KLHL7: variants seen among roughly 807,000 people sequenced by gnomAD.
KLHL7 encodes the protein kelch like family member 7.
Under a neutral mutation model 67.4 loss-of-function variants are expected in KLHL7, and 44 were observed. The observed-to-expected ratio is 0.65, with a 90% CI of 0.51 to 0.84. The LOEUF (loss-of-function observed/expected upper bound fraction) is 0.84, where lower values mean the gene tolerates loss of function less well. Ranked by LOEUF, KLHL7 falls within the 40% of genes least tolerant of loss-of-function variation. The probability of loss-of-function intolerance (pLI) is 0.00; values close to 1 mark genes in which losing one functional copy is unlikely to be tolerated. For missense variants in KLHL7, 362 were observed against 718.1 expected (o/e 0.50, Z 5.67); for synonymous variants, 252 against 243.3 (o/e 1.04, Z -0.33).
chr7:23,126,247 G>A (rs909105362), intron 4 of KLHL7, among the ~76,000 whole-genome samples: 2 of 152,144 alleles, frequency 1.3e-5, no homozygotes, highest in African/African-American at 4.8e-5. Context: ...GCAGGATGAC[G>A]TGAGATTTCA....
intron 6 of KLHL7, 72 bp from the exon 7 acceptor site, chr7:23,151,995 C>T: frequency 7.0e-7 from 1 of 1,418,872 alleles, no homozygotes; most frequent in South Asian, 1.2e-5. Flanking sequence ...CCTATTATGT[C>T]TGGGTATTTC....
In KLHL7 at chr7:23,144,249, T is replaced by A. The variant is rs191478090; in HGVS notation, c.793+224T>A. Among the ~76,000 whole-genome samples, 342 of 152,374 alleles carry A rather than the reference T, an allele frequency of 2.2e-3. 3 individuals are homozygous for A. The highest frequency in any genetic ancestry group is 5.6e-4 in the Non-Finnish European group (38 of 68,036). ...TGTGATAGAAGGTACAAATTACTTATGCTTTTCCTATTCTTGTATACAATA... is the reference window on the plus strand; with the variant it reads ...TGTGATAGAAGGTACAAATTACTTAAGCTTTTCCTATTCTTGTATACAATA... On this transcript the variant is annotated intron_variant, in intron 6 of 10. Coordinates refer to ENST00000339077, the MANE Select transcript of KLHL7 (RefSeq NM_001031710.3).
chr7:23,148,879 A>G lies in KLHL7; in HGVS notation c.794-3188A>G, dbSNP rs138625603. Reference sequence around the variant, plus strand: ...TTTCTTTTCCTTTTTTAAAATAAATAATAGTGGATTGTTCTATTACTCCTT... The same window carrying G: ...TTTCTTTTCCTTTTTTAAAATAAATGATAGTGGATTGTTCTATTACTCCTT... On this transcript the variant is annotated intron_variant, in intron 6 of 10. Transcript: ENST00000339077. Among the ~76,000 whole-genome samples the G allele has an allele frequency of 1.8e-3, 270 of 152,318 alleles. 1 individual carries two copies. Among genetic ancestry groups the G allele is most frequent in the African/African-American group, 5.9e-3 (247 of 41,572 alleles).
intron 7 of KLHL7, among the ~76,000 whole-genome samples, chr7:23,161,647 T>G (rs1784857045): frequency 6.6e-6 from 1 of 152,158 alleles, no homozygotes; most frequent in South Asian, 2.1e-4. Context: ...TTTTCAGTGG[T>G]GCAGCCACCA....
intron 7 of KLHL7, among the ~76,000 whole-genome samples, chr7:23,164,113 T>C (rs1784928519): frequency 6.6e-6 from 1 of 151,490 alleles, no homozygotes; most frequent in Non-Finnish European, 1.5e-5. Flanking sequence ...CCAACAGTCA[T>C]AGCCACTGAG....
chr7:23,153,187 T>C (rs979090939), intron 7 of KLHL7, among the ~76,000 whole-genome samples: 4 of 149,796 alleles, frequency 2.7e-5, no homozygotes. Flanking sequence ...CAGAACACTT[T>C]CCTTCATATT....
At chr7:23,139,582 G>C (rs1168335020) in intron 4 of KLHL7, among the ~76,000 whole-genome samples, 1 of 152,204 alleles carries the variant, frequency 6.6e-6, no homozygotes, top group Non-Finnish European at 1.5e-5. Context: ...GGTGGAAAAT[G>C]CCAGCTAATC....
rs1240510406 is a variant in KLHL7, at chr7:23,143,883, C to T, written c.651C>T (p.Tyr217=). ...ATGCTGCAGTCAGGTGGTTGAAATA[C>T]GATGAACCTAATCGCCAGCCATTTA... The part of the protein sequence containing the change: ...VYDAAVRWLK[Y]DEPNRQPFMV... Residue 217 remains tyrosine (Y), a synonymous_variant, in exon 6 of 11, where the codon TAC becomes TAT. Coordinates refer to ENST00000339077, the MANE Select transcript of KLHL7 (RefSeq NM_001031710.3). 5.0e-6 allele frequency: 8 copies of T among 1,613,970 alleles called. No individual in the cohort carries two copies. Among genetic ancestry groups the T allele is most frequent in the Middle Eastern group, 1.6e-4 (1 of 6,082 alleles).
chr7:23,157,203 C>T (rs551393356), intron 7 of KLHL7, among the ~76,000 whole-genome samples: 4 of 152,256 alleles, frequency 2.6e-5, no homozygotes, highest in East Asian at 1.9e-4. Flanking sequence ...ATATCAGTAG[C>T]GTTTGTCACC....
intron 2 of KLHL7, among the ~76,000 whole-genome samples, chr7:23,124,432 G>C (rs1783486807): frequency 6.6e-6 from 1 of 151,978 alleles, no homozygotes; most frequent in South Asian, 2.1e-4. Context: ...ACAAAATCTA[G>C]TTTTATGTTT....
chr7:23,131,539 G>C (rs1296190585), intron 4 of KLHL7, among the ~76,000 whole-genome samples: 1 of 151,852 alleles, frequency 6.6e-6, no homozygotes, highest in Non-Finnish European at 1.5e-5. Context: ...ATATTTATGT[G>C]GTATATAAAA....
chr7:23,171,956 G>A (rs1785176612), intron 9 of KLHL7, among the ~76,000 whole-genome samples: 1 of 152,208 alleles, frequency 6.6e-6, no homozygotes, highest in Admixed American at 6.5e-5. Flanking sequence ...TGATCCGCCT[G>A]CCTCGGCCTC....
rs1783452800 is a variant in KLHL7 at position 23,123,886 on chromosome 7, A to G, written c.223+7A>G. 5 of 1,551,828 alleles carry G rather than the reference A, an allele frequency of 3.2e-6. No homozygotes were observed. The East Asian group carries it at 1.1e-4, about 35-fold the overall frequency. On this transcript the variant is annotated splice_region_variant and intron_variant, in intron 2 of 10. Coordinates refer to ENST00000339077, the MANE Select transcript of KLHL7 (RefSeq NM_001031710.3). ...TTTAACTTAATGTTCACAAGTAAGT[A>G]TCTTAAGGTAAAACATGCCATTATT... is the stretch of plus-strand genomic sequence containing the variant.
chr7:23,157,587 T>C (rs529487234), intron 7 of KLHL7, among the ~76,000 whole-genome samples: 31 of 106,004 alleles, frequency 2.9e-4, no homozygotes, highest in African/African-American at 1.0e-3. Flanking sequence ...TCTGGTTTCC[T>C]AGAAGGTCTT....
At chr7:23,155,075 C>T (rs545108199) in intron 7 of KLHL7, among the ~76,000 whole-genome samples, 3 of 152,124 alleles carry the variant, frequency 2.0e-5, no homozygotes, top group Non-Finnish European at 2.9e-5. Context: ...TTGGACTGTC[C>T]CTATTGGCCC....
intron 6 of KLHL7, among the ~76,000 whole-genome samples, chr7:23,144,701 C>G (rs1784301834): frequency 6.6e-6 from 1 of 152,128 alleles, no homozygotes; most frequent in African/African-American, 2.4e-5. Flanking sequence ...TACCTTAATT[C>G]TTTTTGTTTG....
At chr7:23,141,721 C>T (rs1010193302) in intron 5 of KLHL7, among the ~76,000 whole-genome samples, 7 of 151,998 alleles carry the variant, frequency 4.6e-5, no homozygotes, top group Non-Finnish European at 1.0e-4. Context: ...CTCCCGAGTT[C>T]ACGCCATTCT....
chr7:23,124,898 G>A (rs758060704), intron 3 of KLHL7, 117 bp downstream of exon 3: 2 of 1,095,540 alleles, frequency 1.8e-6, no homozygotes, highest in South Asian at 1.3e-5. Context: ...CGCAAGGATG[G>A]AAGAGTTTCA....
At chr7:23,163,313 C>T (rs182931073) in intron 7 of KLHL7, among the ~76,000 whole-genome samples, 8 of 152,094 alleles carry the variant, frequency 5.3e-5, no homozygotes, top group East Asian at 1.9e-4. Context: ...AGGGATTACA[C>T]GTGCCTGCCA....
Sources: gnomAD v4.1 joint callset for allele counts (sites outside exome capture counted in the v4.1 genomes callset) on GRCh38, gnomAD v4.1.1 for gene constraint, MANE v1.5 for transcripts, NCBI Gene and HGNC (gene_info 2026-07-23, HGNC 2026-07-21) for gene names.